DLG2: variants seen among roughly 807,000 people sequenced by gnomAD.
DLG2 encodes disks large homolog 2.
In DLG2, 45 loss-of-function variants were observed where a neutral mutation model predicts 132.5. The observed-to-expected ratio is 0.34, with a 90% CI of 0.27 to 0.44. The LOEUF is 0.44. DLG2 is among the 20% of genes least tolerant of loss of function. The pLI, the probability that DLG2 is intolerant of heterozygous loss-of-function variation, is 1.00. For missense variants in DLG2, 1,045 were observed against 1,196.9 expected, an observed-to-expected ratio of 0.87 and a Z score of 1.87; for synonymous variants, 424 against 419.6, an observed-to-expected ratio of 1.01 and a Z score of -0.13.
intron 16 of DLG2, among the ~76,000 whole-genome samples, chr11:83,845,725 T>C (rs1405215060): frequency 6.6e-6 from 1 of 152,214 alleles, no homozygotes; most frequent in African/African-American, 2.4e-5. Flanking sequence ...GGGGATGGTA[T>C]GGGATACTGT....
intron 7 of DLG2, among the ~76,000 whole-genome samples, chr11:84,369,387 T>C (rs1458957813): frequency 6.6e-6 from 1 of 152,144 alleles, no homozygotes; most frequent in African/African-American, 2.4e-5. Flanking sequence ...AAGAAAATGT[T>C]AATATTTCTC....
intron 7 of DLG2, among the ~76,000 whole-genome samples, chr11:84,325,721 T>A (rs2098427146): frequency 6.6e-6 from 1 of 152,082 alleles, no homozygotes; most frequent in Non-Finnish European, 1.5e-5. Context: ...ATTTCTGTGA[T>A]TTTTTTTCTA....
chr11:84,435,678 A>G (rs182374082), intron 7 of DLG2, among the ~76,000 whole-genome samples: 1 of 152,144 alleles, frequency 6.6e-6, no homozygotes, highest in Non-Finnish European at 1.5e-5. Context: ...CTTGTTTTAA[A>G]CATTAGCCAT....
At chr11:85,305,509 CTATT>C (rs1437543604) in intron 3 of DLG2, among the ~76,000 whole-genome samples, 1 of 151,862 alleles carries the variant, frequency 6.6e-6, no homozygotes, top group Admixed American at 6.6e-5. Flanking sequence ...TCTTTCTTTC[CTATT>C]TATTTATTTA....
intron 3 of DLG2, among the ~76,000 whole-genome samples, chr11:85,339,429 A>AT (rs1170690357): frequency 6.6e-6 from 1 of 152,168 alleles, no homozygotes; most frequent in Non-Finnish European, 1.5e-5. Context: ...TTTACTAGGT[A>AT]TTGTCCATTT....
At chr11:85,395,379 C>A (rs1432589903) in intron 3 of DLG2, among the ~76,000 whole-genome samples, 1 of 152,096 alleles carries the variant, frequency 6.6e-6, no homozygotes, top group Non-Finnish European at 1.5e-5. Context: ...AAATGAGGTA[C>A]CTGGTTCATC....
At chr11:83,879,435 C>T (rs921577887) in intron 15 of DLG2, among the ~76,000 whole-genome samples, 1 of 151,828 alleles carries the variant, frequency 6.6e-6, no homozygotes, top group African/African-American at 2.4e-5. Context: ...ATATTTAACT[C>T]TTCATCTCTC....
intron 4 of DLG2, among the ~76,000 whole-genome samples, chr11:85,247,797 C>A (rs1345405600): frequency 6.6e-6 from 1 of 152,016 alleles, no homozygotes; most frequent in African/African-American, 2.4e-5. Flanking sequence ...TATAGACTAG[C>A]TCATCATTTT....
chr11:85,276,960 A>C (rs2077928263), intron 4 of DLG2, among the ~76,000 whole-genome samples: 1 of 152,192 alleles, frequency 6.6e-6, no homozygotes, highest in African/African-American at 2.4e-5. Flanking sequence ...GAAACAGAAG[A>C]ATTTTTCTAG....
intron 21 of DLG2, among the ~76,000 whole-genome samples, chr11:83,503,365 CCATTTATATATATATATATATATATA>C (rs2094528931): frequency 3.1e-5 from 1 of 32,134 alleles, no homozygotes; most frequent in African/African-American, 8.9e-5. Context: ...ACACACACAC[CCATTTATATATATATATATATATATA>C]TATATATATA....
intron 6 of DLG2, among the ~76,000 whole-genome samples, chr11:84,832,328 C>T (rs374452426): frequency 3.7e-4 from 56 of 151,756 alleles, no homozygotes; most frequent in African/African-American, 1.3e-3. Context: ...AAGCAACAAA[C>T]CCTTTTGGTC....
chr11:85,465,995 A>T (rs543284900), intron 3 of DLG2, among the ~76,000 whole-genome samples: 3 of 152,226 alleles, frequency 2.0e-5, no homozygotes, highest in South Asian at 4.2e-4. Context: ...AATGATTGCC[A>T]TTCTAACTGG....
At chr11:85,224,868 T>A (rs1451325786) in intron 4 of DLG2, among the ~76,000 whole-genome samples, 4 of 152,150 alleles carry the variant, frequency 2.6e-5, no homozygotes, top group Non-Finnish European at 5.9e-5. Context: ...TTAGAGAAAG[T>A]ACTGAAAGGA....
intron 7 of DLG2, among the ~76,000 whole-genome samples, chr11:84,518,696 C>A (rs973804237): frequency 1.6e-4 from 25 of 152,082 alleles, no homozygotes; most frequent in African/African-American, 6.0e-4. Context: ...GAGATTTTTC[C>A]CCCCAATTAA....
At chr11:84,780,407 C>T (rs1219710333) in intron 6 of DLG2, among the ~76,000 whole-genome samples, 1 of 151,962 alleles carries the variant, frequency 6.6e-6, no homozygotes. Context: ...ATATAATATA[C>T]ACACAGGAAA....
chr11:83,612,660 G>A (rs1327047861), intron 19 of DLG2, among the ~76,000 whole-genome samples: 2 of 152,162 alleles, frequency 1.3e-5, no homozygotes, highest in Non-Finnish European at 2.9e-5. Flanking sequence ...AGTGCTATGA[G>A]AGTAGGTGCA....
At chr11:84,253,117 T>G (rs901146489) in intron 7 of DLG2, among the ~76,000 whole-genome samples, 1 of 152,122 alleles carries the variant, frequency 6.6e-6, no homozygotes, top group African/African-American at 2.4e-5. Context: ...CAATGGGACG[T>G]ATCTTGTGGG....
intron 6 of DLG2, among the ~76,000 whole-genome samples, chr11:84,642,434 G>C (rs965730499): frequency 1.3e-5 from 2 of 152,002 alleles, no homozygotes; most frequent in Non-Finnish European, 2.9e-5. Flanking sequence ...AAATTTTAAA[G>C]TGACGGAAAG....
intron 6 of DLG2, among the ~76,000 whole-genome samples, chr11:84,816,905 C>G (rs1385184410): frequency 6.6e-6 from 1 of 151,980 alleles, no homozygotes; most frequent in African/African-American, 2.4e-5. Context: ...ATTCTGTTAC[C>G]ATATGGTCTT....
Sources: gnomAD v4.1 joint callset for allele counts (sites outside exome capture counted in the v4.1 genomes callset) on GRCh38, gnomAD v4.1.1 for gene constraint, MANE v1.5 for transcripts, NCBI Gene and HGNC (gene_info 2026-07-23, HGNC 2026-07-21) for gene names.